FHIT: variants seen among roughly 807,000 people sequenced by gnomAD.
FHIT encodes the protein bis(5'-adenosyl)-triphosphatase.
Under a neutral mutation model 17.9 loss-of-function variants are expected in FHIT, and 19 were observed. That is an observed-to-expected ratio of 1.06 (90% confidence interval 0.74 to 1.56). The LOEUF (loss-of-function observed/expected upper bound fraction) is 1.56, where lower values mean the gene tolerates loss of function less well. FHIT is among the 40% of genes most tolerant of loss of function. The pLI, the probability that FHIT is intolerant of heterozygous loss-of-function variation, is 0.00. For missense variants in FHIT, 248 were observed against 189.2 expected (o/e 1.31, Z -1.82); for synonymous variants, 81 against 69.7 (o/e 1.16, Z -0.81).
chr3:60,677,459 T>C (rs782814961), intron 4 of FHIT, among the ~76,000 whole-genome samples: 1 of 152,198 alleles, frequency 6.6e-6, no homozygotes, highest in Non-Finnish European at 1.5e-5. Context: ...TCCTATTCCA[T>C]CCATGTTGTT....
At chr3:61,118,726 T>C (rs979258737) in intron 2 of FHIT, among the ~76,000 whole-genome samples, 15 of 152,328 alleles carry the variant, frequency 9.8e-5, no homozygotes, top group Admixed American at 3.3e-4. Context: ...TCATTGTACC[T>C]ACTGGAGTGT....
chr3:60,890,121 A>AT (rs1553760309), intron 3 of FHIT, among the ~76,000 whole-genome samples: 1 of 151,110 alleles, frequency 6.6e-6, no homozygotes, highest in Non-Finnish European at 1.5e-5. Flanking sequence ...GCTATGGCCC[A>AT]TTGAGTGCAC....
intron 5 of FHIT, among the ~76,000 whole-genome samples, chr3:60,267,634 T>C (rs1706650663): frequency 6.6e-6 from 1 of 152,144 alleles, no homozygotes; most frequent in South Asian, 2.1e-4. Context: ...GCTTAACATA[T>C]GACCGTTCTT....
intron 5 of FHIT, among the ~76,000 whole-genome samples, chr3:60,176,924 G>C (rs957240637): frequency 2.6e-5 from 4 of 152,044 alleles, no homozygotes; most frequent in Admixed American, 2.6e-4. Flanking sequence ...AAAGGATCAT[G>C]GAAAGAAACC....
chr3:60,305,162 T>TTATAAAA (rs1708615899), intron 5 of FHIT, among the ~76,000 whole-genome samples: 1 of 152,114 alleles, frequency 6.6e-6, no homozygotes, highest in African/African-American at 2.4e-5. Flanking sequence ...ACATGGGACC[T>TTATAAAA]GTTAAGACAG....
chr3:61,046,582 T>G (rs1207002521), intron 2 of FHIT, among the ~76,000 whole-genome samples: 1 of 152,152 alleles, frequency 6.6e-6, no homozygotes, highest in Non-Finnish European at 1.5e-5. Flanking sequence ...CCTGGTACCG[T>G]TGCTTCTGAA....
intron 1 of FHIT, among the ~76,000 whole-genome samples, chr3:61,209,828 C>T (rs2039395834): frequency 6.6e-6 from 1 of 152,242 alleles, no homozygotes; most frequent in Admixed American, 6.5e-5. Flanking sequence ...AGTCATTCTC[C>T]ATCCAGCTTT....
chr3:60,032,290 T>C lies in FHIT; in HGVS notation c.104-18138A>G, dbSNP rs192655189. On this transcript the variant is annotated intron_variant, in intron 5 of 9. Transcript: ENST00000492590. ...GCCTGGGCAAAGTAGTGAGACCCCA[T>C]ATCTAAAAAAAATTAGCTGGGCATA... 2.5e-4 allele frequency among the ~76,000 whole-genome samples: 38 copies of C among 151,872 alleles called. No individual in the cohort carries two copies. In the East Asian group the frequency reaches 6.2e-3, roughly 25 times the overall value.
intron 4 of FHIT, among the ~76,000 whole-genome samples, chr3:60,776,574 T>C (rs1553724512): frequency 6.6e-6 from 1 of 152,204 alleles, no homozygotes; most frequent in East Asian, 1.9e-4. Context: ...CAGAACTATA[T>C]TGACTTGCCA....
rs185355268 is a variant in FHIT, at chr3:60,117,495, A to G, written c.104-103343T>C. Among the ~76,000 whole-genome samples, 168 of 30,008 alleles carry G rather than the reference A, an allele frequency of 5.6e-3. No homozygotes were observed. The East Asian group carries it at 0.33, about 60-fold the overall frequency. The allele number at this position is 30,008 out of a possible 152,430, so 19.7% of individuals were successfully genotyped here. A position where few individuals can be genotyped will look rare whatever the true frequency, so the allele number is the denominator to read the frequency against. ...ACCCAAAGTCTATTACTTCCTATCT[A>G]AAAAAAAAAAAAAAAAAAAAAAAAG... is the stretch of plus-strand genomic sequence containing the variant. On this transcript the variant is annotated intron_variant, in intron 5 of 9. Transcript: ENST00000492590.
At chr3:60,130,006 C>G (rs1314281912) in intron 5 of FHIT, among the ~76,000 whole-genome samples, 1 of 152,144 alleles carries the variant, frequency 6.6e-6, no homozygotes, top group Non-Finnish European at 1.5e-5. Context: ...CCTACATACA[C>G]ACACCACACA....
chr3:60,435,284 A>G (rs1015162057), intron 5 of FHIT, among the ~76,000 whole-genome samples: 5 of 152,278 alleles, frequency 3.3e-5, no homozygotes, highest in African/African-American at 9.6e-5. Context: ...CAACATTACT[A>G]GGGAGTCTAA....
At chr3:60,331,533 C>T (rs1265003196) in intron 5 of FHIT, among the ~76,000 whole-genome samples, 1 of 152,158 alleles carries the variant, frequency 6.6e-6, no homozygotes, top group African/African-American at 2.4e-5. Context: ...GCTTCTTTGT[C>T]ACTCCAATTC....
At chr3:60,895,212 T>A (rs190730306) in intron 3 of FHIT, among the ~76,000 whole-genome samples, 1 of 152,190 alleles carries the variant, frequency 6.6e-6, no homozygotes, top group Non-Finnish European at 1.5e-5. Flanking sequence ...CTGACTGTTA[T>A]ATGAGGATTA....
intron 5 of FHIT, among the ~76,000 whole-genome samples, chr3:60,077,104 G>C (rs578040296): frequency 1.3e-5 from 2 of 151,948 alleles, no homozygotes; most frequent in African/African-American, 4.8e-5. Flanking sequence ...CAAAAGAGAA[G>C]TGTTGCTGAA....
At chr3:60,543,528 T>G (rs924481032) in intron 4 of FHIT, among the ~76,000 whole-genome samples, 7 of 152,184 alleles carry the variant, frequency 4.6e-5, no homozygotes, top group Non-Finnish European at 8.8e-5. Context: ...AGTTTTAAAT[T>G]TCCCTTATAT....
chr3:60,051,641 T>C (rs1276787119), intron 5 of FHIT, among the ~76,000 whole-genome samples: 2 of 152,166 alleles, frequency 1.3e-5, no homozygotes, highest in East Asian at 3.8e-4. Context: ...AGTATCTATA[T>C]CTGTAGTGCA....
At chr3:60,693,932 A>C (rs1203991584) in intron 4 of FHIT, among the ~76,000 whole-genome samples, 3 of 152,202 alleles carry the variant, frequency 2.0e-5, no homozygotes, top group Non-Finnish European at 1.5e-5. Context: ...ATTAGTCTGC[A>C]ACAGAACCCA....
intron 5 of FHIT, among the ~76,000 whole-genome samples, chr3:60,293,138 T>G (rs557726345): frequency 6.6e-6 from 1 of 152,198 alleles, no homozygotes; most frequent in African/African-American, 2.4e-5. Flanking sequence ...AATATACACC[T>G]TGGTTTATAG....
Sources: gnomAD v4.1 joint callset for allele counts (sites outside exome capture counted in the v4.1 genomes callset) on GRCh38, gnomAD v4.1.1 for gene constraint, MANE v1.5 for transcripts, NCBI Gene and HGNC (gene_info 2026-07-23, HGNC 2026-07-21) for gene names.